Variants in HDAC9 observed in about 807,000 individuals in gnomAD.
The protein encoded by HDAC9 is MEF-2 interacting transcription repressor (MITR) protein.
HDAC9 carries 41 observed loss-of-function variants against 139.4 expected under a neutral mutation model. The ratio of observed to expected loss-of-function variants is 0.29; its 90% CI spans 0.23 to 0.38. The LOEUF (loss-of-function observed/expected upper bound fraction) is 0.38, where lower values mean the gene tolerates loss of function less well. HDAC9 is among the 10% of genes least tolerant of loss of function. The probability of loss-of-function intolerance (pLI) is 1.00; values close to 1 mark genes in which losing one functional copy is unlikely to be tolerated. For missense variants in HDAC9, 1,147 were observed against 1,297.0 expected (o/e 0.88, Z 1.78); for synonymous variants, 517 against 476.2 (o/e 1.09, Z -1.12).
chr7:18,370,522 A>G (rs1784515743), intron 1 of HDAC9, among the ~76,000 whole-genome samples: 1 of 152,134 alleles, frequency 6.6e-6, no homozygotes, highest in Non-Finnish European at 1.5e-5. Context: ...TCAAGTATAT[A>G]TGCATAAAAC....
At chr7:18,570,368 T>G (rs1311583928) in intron 2 of HDAC9, among the ~76,000 whole-genome samples, 1 of 152,144 alleles carries the variant, frequency 6.6e-6, no homozygotes. Flanking sequence ...TGTGTCAAAA[T>G]ATGAAGAAAT....
At chr7:18,935,538 A>C (rs2129309676) in intron 22 of HDAC9, among the ~76,000 whole-genome samples, 1 of 152,326 alleles carries the variant, frequency 6.6e-6, no homozygotes, top group Non-Finnish European at 1.5e-5. Flanking sequence ...CATGTTATGA[A>C]AAGCAGCCCT....
At chr7:18,722,966 A>G (rs1785250945) in intron 12 of HDAC9, among the ~76,000 whole-genome samples, 1 of 152,170 alleles carries the variant, frequency 6.6e-6, no homozygotes, top group African/African-American at 2.4e-5. Context: ...AATATAGGTA[A>G]TATGCAGAAA....
chr7:18,146,385 A>G (rs1786329100), intron 1 of HDAC9, among the ~76,000 whole-genome samples: 1 of 152,162 alleles, frequency 6.6e-6, no homozygotes, highest in African/African-American at 2.4e-5. Flanking sequence ...GTTGATTGAG[A>G]CATAAATTTA....
At chr7:18,715,356 A>C (rs972814613) in intron 12 of HDAC9, among the ~76,000 whole-genome samples, 1 of 152,066 alleles carries the variant, frequency 6.6e-6, no homozygotes, top group Non-Finnish European at 1.5e-5. Flanking sequence ...CAAACATCTT[A>C]ACATAAACTG....
At chr7:18,960,343 GT>G (rs1285522249) in intron 24 of HDAC9, among the ~76,000 whole-genome samples, 2 of 152,160 alleles carry the variant, frequency 1.3e-5, no homozygotes, top group East Asian at 3.9e-4. Flanking sequence ...TTGTATATGT[GT>G]TTTTGAGTGA....
intron 1 of HDAC9, among the ~76,000 whole-genome samples, chr7:18,477,534 G>A (rs1313233593): frequency 6.6e-6 from 1 of 152,096 alleles, no homozygotes; most frequent in Non-Finnish European, 1.5e-5. Flanking sequence ...TTTCCATATG[G>A]TGAAAATACT....
chr7:18,805,496 G>T (rs148073823), intron 17 of HDAC9, among the ~76,000 whole-genome samples: 2 of 152,160 alleles, frequency 1.3e-5, no homozygotes, highest in Non-Finnish European at 2.9e-5. Context: ...AAAAACTGTT[G>T]GTGGGGCAAG....
At chr7:18,439,856 A>C (rs1791582720) in intron 1 of HDAC9, among the ~76,000 whole-genome samples, 1 of 152,170 alleles carries the variant, frequency 6.6e-6, no homozygotes, top group African/African-American at 2.4e-5. Flanking sequence ...AACACACAAA[A>C]TGTAAAATGT....
chr7:18,741,071 G>A (rs190540878), intron 13 of HDAC9, among the ~76,000 whole-genome samples: 9 of 152,354 alleles, frequency 5.9e-5, no homozygotes, highest in Non-Finnish European at 8.8e-5. Context: ...TCTGTAACAT[G>A]AAAGTGGAAG....
intron 13 of HDAC9, among the ~76,000 whole-genome samples, chr7:18,745,773 G>A (rs538130411): frequency 6.6e-6 from 1 of 151,292 alleles, no homozygotes; most frequent in South Asian, 2.1e-4. Flanking sequence ...GTCTCGATCT[G>A]CTGACCTCAT....
intron 2 of HDAC9, among the ~76,000 whole-genome samples, chr7:18,222,170 A>T (rs1792750315): frequency 6.6e-6 from 1 of 152,210 alleles, no homozygotes; most frequent in Non-Finnish European, 1.5e-5. Flanking sequence ...TTGAAATTTG[A>T]ATTATGTGCT....
chr7:18,825,439 T>G (rs931584224), intron 17 of HDAC9, among the ~76,000 whole-genome samples: 1 of 152,014 alleles, frequency 6.6e-6, no homozygotes, highest in Non-Finnish European at 1.5e-5. Context: ...GCCAATAGTG[T>G]TGAAAGTTTA....
intron 15 of HDAC9, among the ~76,000 whole-genome samples, chr7:18,766,124 T>C (rs932420493): frequency 2.6e-5 from 4 of 152,210 alleles, no homozygotes; most frequent in African/African-American, 9.6e-5. Context: ...TCATTGAGCA[T>C]CAATAGAACA....
intron 14 of HDAC9, 68 bp downstream of exon 14, chr7:18,749,206 T>A (rs1225376192): frequency 6.7e-7 from 1 of 1,501,282 alleles, no homozygotes; most frequent in East Asian, 2.3e-5. Context: ...AGTATTCATT[T>A]GGGGAGTAAT....
At chr7:18,791,274 C>T (rs961155758) in intron 16 of HDAC9, among the ~76,000 whole-genome samples, 3 of 150,838 alleles carry the variant, frequency 2.0e-5, no homozygotes, top group African/African-American at 7.5e-5. Flanking sequence ...CTTGAGTCAC[C>T]GAATACATCT....
At chr7:18,944,084 A>G (rs1782205843) in intron 23 of HDAC9, among the ~76,000 whole-genome samples, 5 of 152,194 alleles carry the variant, frequency 3.3e-5, no homozygotes. Context: ...TACACAATCA[A>G]ATTAAACATA....
chr7:18,533,913 A>G (rs1809917038), intron 2 of HDAC9, among the ~76,000 whole-genome samples: 1 of 152,054 alleles, frequency 6.6e-6, no homozygotes, highest in Admixed American at 6.5e-5. Flanking sequence ...TGAGTTTTTA[A>G]TTTCAAAGAG....
At position 18,379,433 on chromosome 7, in the gene HDAC9, A is replaced by T. The variant is rs1367658905; in HGVS notation, c.-42+88918A>T. 2.6e-5 allele frequency among the ~76,000 whole-genome samples: 4 copies of T among 152,200 alleles called. No homozygotes were observed. The East Asian group carries it at 7.7e-4, about 29-fold the overall frequency. On this transcript the variant is annotated intron_variant, in intron 1 of 3. Coordinates refer to the HDAC9 transcript ENST00000413509. ...TGTATTGTGAGCATCTTTTCAGGGA[A>T]ATCAATACTAGTTTTTTCTTGAATC...
Sources: gnomAD v4.1 joint callset for allele counts (sites outside exome capture counted in the v4.1 genomes callset) on GRCh38, gnomAD v4.1.1 for gene constraint, MANE v1.5 for transcripts, NCBI Gene and HGNC (gene_info 2026-07-23, HGNC 2026-07-21) for gene names.